Variants in SLC1A1 observed in about 807,000 individuals in gnomAD.
The protein encoded by SLC1A1 is solute carrier family 1 member 1.
SLC1A1 carries 43 observed loss-of-function variants against 53.3 expected under a neutral mutation model. The observed-to-expected ratio is 0.81, with a 90% CI of 0.63 to 1.04. The LOEUF (loss-of-function observed/expected upper bound fraction) is 1.04, where lower values mean the gene tolerates loss of function less well. Among genes scored for constraint, SLC1A1 ranks in the 50% least tolerant of loss-of-function variants. The pLI is 0.00. For synonymous variants in SLC1A1, 307 were observed against 243.2 expected (o/e 1.26, Z -2.44); for missense variants, 748 against 664.9 (o/e 1.12, Z -1.37).
rs71326118 is a variant in SLC1A1 at position 4,580,601 on chromosome 9, ATGTGTG to A, written c.1194-2391_1194-2386del. Among the ~76,000 whole-genome samples the A allele has an allele frequency of 3.4e-3, 238 of 69,672 alleles. 1 individual carries two copies. The highest frequency in any genetic ancestry group is 8.0e-3 in the African/African-American group (159 of 19,770). 45.7% of individuals were successfully genotyped at this position (69,672 alleles called of 152,430 possible). ...GTCTCTGGAAAAAAAAAAAATATAT[ATGTGTG>A]TGTGTGTGTGTGTGTGTGTGTGTGT... On this transcript the variant is annotated intron_variant, in intron 10 of 11. Coordinates refer to ENST00000262352, the MANE Select transcript of SLC1A1 (RefSeq NM_004170.6).
chr9:4,568,156 A>G (rs995190336), intron 6 of SLC1A1, among the ~76,000 whole-genome samples: 1 of 152,064 alleles, frequency 6.6e-6, no homozygotes, highest in African/African-American at 2.4e-5. Flanking sequence ...TCAGTGACTC[A>G]TGTCTGTAAT....
chr9:4,576,898 T>A, intron 10 of SLC1A1, 135 bp downstream of exon 10: 2 of 832,182 alleles, frequency 2.4e-6, no homozygotes, highest in Non-Finnish European at 4.0e-6. Flanking sequence ...TTCCCAAGAT[T>A]AAATACGACT....
rs1817844131 is a variant in SLC1A1, at chr9:4,550,580, A to G, written c.232+5873A>G. ...GGCTAATTCTTACTTTTGTCGCGAT[A>G]GGGTCTTGATATATTGCCAGGGCTG... On this transcript the variant is annotated intron_variant, in intron 2 of 11. Transcript: ENST00000262352. 3.3e-5 allele frequency among the ~76,000 whole-genome samples: 5 copies of G among 152,204 alleles called. No homozygotes were observed. The South Asian group carries it at 1.0e-3, about 32-fold the overall frequency.
intron 1 of SLC1A1, among the ~76,000 whole-genome samples, chr9:4,539,639 T>G (rs747043886): frequency 6.6e-6 from 1 of 152,156 alleles, no homozygotes; most frequent in African/African-American, 2.4e-5. Flanking sequence ...TGGCATGATC[T>G]CGGCTCACTG....
intron 1 of SLC1A1, among the ~76,000 whole-genome samples, chr9:4,542,902 T>G (rs1817140672): frequency 6.6e-6 from 1 of 152,208 alleles, no homozygotes; most frequent in East Asian, 1.9e-4. Context: ...TTGGGAAATG[T>G]TTATATGTTT....
At chr9:4,573,001 A>G (rs1820201041) in intron 7 of SLC1A1, among the ~76,000 whole-genome samples, 1 of 152,230 alleles carries the variant, frequency 6.6e-6, no homozygotes, top group Non-Finnish European at 1.5e-5. Flanking sequence ...TTAAAAAATG[A>G]TTTGAAGGAT....
chr9:4,507,131 G>C (rs540439820), intron 1 of SLC1A1, among the ~76,000 whole-genome samples: 1 of 152,304 alleles, frequency 6.6e-6, no homozygotes, highest in East Asian at 1.9e-4. Flanking sequence ...CCACTTGGGA[G>C]GTTGAGGCAG....
At chr9:4,514,251 T>C (rs552628339) in intron 1 of SLC1A1, among the ~76,000 whole-genome samples, 1 of 152,174 alleles carries the variant, frequency 6.6e-6, no homozygotes, top group Non-Finnish European at 1.5e-5. Context: ...TGTCCAGCAT[T>C]TGCAAGAGAG....
intron 1 of SLC1A1, among the ~76,000 whole-genome samples, chr9:4,536,757 A>G (rs1312315636): frequency 6.6e-6 from 1 of 152,210 alleles, no homozygotes; most frequent in South Asian, 2.1e-4. Context: ...TGTTTATTGC[A>G]GCATTATTCA....
intron 1 of SLC1A1, among the ~76,000 whole-genome samples, chr9:4,500,158 C>A (rs754248931): frequency 6.6e-6 from 1 of 152,122 alleles, no homozygotes; most frequent in Non-Finnish European, 1.5e-5. Context: ...GCAAATTTCC[C>A]GTGTCGCTGG....
intron 1 of SLC1A1, among the ~76,000 whole-genome samples, chr9:4,492,214 C>T (rs1482041031): frequency 6.6e-6 from 1 of 152,046 alleles, no homozygotes; most frequent in Non-Finnish European, 1.5e-5. Context: ...ATTTAAATAG[C>T]ATACGCTACA....
chr9:4,513,011 T>A (rs1298411801), intron 1 of SLC1A1, among the ~76,000 whole-genome samples: 2 of 152,004 alleles, frequency 1.3e-5, no homozygotes, highest in Non-Finnish European at 2.9e-5. Flanking sequence ...TTGGAACAAC[T>A]AGACATCATA....
chr9:4,579,767 A>G (rs1449269032), intron 10 of SLC1A1, among the ~76,000 whole-genome samples: 3 of 152,212 alleles, frequency 2.0e-5, no homozygotes, highest in African/African-American at 7.2e-5. Flanking sequence ...TTTTAGACCC[A>G]AAGTATATTT....
intron 2 of SLC1A1, among the ~76,000 whole-genome samples, chr9:4,546,279 G>T (rs1213773171): frequency 6.6e-6 from 1 of 152,202 alleles, no homozygotes; most frequent in East Asian, 1.9e-4. Flanking sequence ...GTTTGGAAAT[G>T]CCTGGTTCCT....
chr9:4,576,455 C>G, intron 9 of SLC1A1, 114 bp from the exon 10 acceptor site: 1 of 872,226 alleles, frequency 1.1e-6, no homozygotes, highest in Admixed American at 1.9e-5. Context: ...CTTTTCTCGA[C>G]AAGATTACCT....
chr9:4,572,957 G>A (rs1820197636), intron 7 of SLC1A1, among the ~76,000 whole-genome samples: 1 of 152,174 alleles, frequency 6.6e-6, no homozygotes, highest in South Asian at 2.1e-4. Context: ...AGATCATCTT[G>A]CACTCAACCA....
intron 2 of SLC1A1, among the ~76,000 whole-genome samples, chr9:4,555,530 C>G (rs139989007): frequency 1.5e-4 from 23 of 152,316 alleles, no homozygotes; most frequent in Non-Finnish European, 3.2e-4. Flanking sequence ...AACACCCTTG[C>G]TCATCAGAGC....
intron 1 of SLC1A1, among the ~76,000 whole-genome samples, chr9:4,510,990 G>A (rs949586104): frequency 6.6e-6 from 1 of 152,180 alleles, no homozygotes; most frequent in Non-Finnish European, 1.5e-5. Context: ...CCTTTTATCT[G>A]TTATGTTCTT....
At position 4,567,639 on chromosome 9, in the gene SLC1A1, T is replaced by G. The variant is rs200317392; in HGVS notation, c.484-30T>G. 43 of 1,480,304 alleles carry G rather than the reference T, an allele frequency of 2.9e-5. 1 individual carries two copies. The highest frequency in any genetic ancestry group is 3.9e-5 in the Non-Finnish European group (41 of 1,060,436). The allele number at this position is 1,480,304 out of a possible 1,614,324, so 91.7% of individuals were successfully genotyped here. A position where few individuals can be genotyped will look rare whatever the true frequency, so the allele number is the denominator to read the frequency against. On this transcript the variant is annotated intron_variant, in intron 5 of 11. Transcript: ENST00000262352. ...GCTTAAAAAAAATTCTTTTTTTGTTTGCTTGTCCTTGATTTTCTCCAACAT... is the reference window on the plus strand; with the variant it reads ...GCTTAAAAAAAATTCTTTTTTTGTTGGCTTGTCCTTGATTTTCTCCAACAT...
Sources: allele counts gnomAD v4.1 joint callset (sites outside exome capture counted in the v4.1 genomes callset), GRCh38; gene constraint gnomAD v4.1.1; transcripts MANE v1.5; gene names NCBI Gene and HGNC (gene_info 2026-07-23, HGNC 2026-07-21).